The following NIBAN1 variants were observed in gnomAD, a reference collection of about 807,000 sequenced individuals.
NIBAN1 encodes the protein niban apoptosis regulator 1.
NIBAN1 carries 81 observed loss-of-function variants against 75.1 expected under a neutral mutation model. The ratio of observed to expected loss-of-function variants is 1.08; its 90% CI spans 0.90 to 1.30. The LOEUF (loss-of-function observed/expected upper bound fraction) is 1.30. NIBAN1 is among the 50% of genes most tolerant of loss of function. The pLI, the probability that NIBAN1 is intolerant of heterozygous loss-of-function variation, is 0.00. For synonymous variants in NIBAN1, 436 were observed against 424.8 expected, an observed-to-expected ratio of 1.03 and a Z score of -0.32; for missense variants, 1,133 against 1,128.1, an observed-to-expected ratio of 1.00 and a Z score of -0.06.
chr1:184,829,540 C>G (rs938791948), intron 6 of NIBAN1, among the ~76,000 whole-genome samples: 8 of 141,006 alleles, frequency 5.7e-5, no homozygotes, highest in African/African-American at 2.1e-4. Flanking sequence ...GATCTTGGCT[C>G]ACTGCAACCT....
intron 11 of NIBAN1, among the ~76,000 whole-genome samples, chr1:184,805,070 G>A (rs1181864819): frequency 6.6e-6 from 1 of 152,210 alleles, no homozygotes; most frequent in Non-Finnish European, 1.5e-5. Context: ...TTACAGGCGT[G>A]AGCCACTGTG....
intron 1 of NIBAN1, among the ~76,000 whole-genome samples, chr1:184,929,781 G>A (rs1341580171): frequency 6.6e-6 from 1 of 152,140 alleles, no homozygotes; most frequent in Non-Finnish European, 1.5e-5. Flanking sequence ...GGTCAAAAGG[G>A]TTGTTAAAAT....
chr1:184,864,114 C>T (rs1029668451), intron 5 of NIBAN1, among the ~76,000 whole-genome samples: 2 of 152,140 alleles, frequency 1.3e-5, no homozygotes, highest in African/African-American at 4.8e-5. Flanking sequence ...GTTAAACATT[C>T]AGGATTGAAT....
chr1:184,899,301 C>T lies in NIBAN1; in HGVS notation c.64G>A (p.Glu22Lys), dbSNP rs1557905978. ...GKCAYIRGKT[E>K]AAIKNFSPYY... ...GGACTGAAGTTTTTGATGGCAGCCT[C>T]AGTTTTCCCTAGAAAAATATGAAAA... The change falls in exon 2 of 14, where the codon GAG becomes AAG. Residue 22 changes from glutamate to lysine, a missense_variant. By Grantham distance (56) the Glu-to-Lys change is moderately conservative (BLOSUM62 1). Transcript: ENST00000367511. The T allele has an allele frequency of 6.2e-7, 1 of 1,613,730 alleles. No individual in the cohort carries two copies. Among genetic ancestry groups the T allele is most frequent in the Non-Finnish European group, 8.5e-7 (1 of 1,179,766 alleles).
intron 5 of NIBAN1, among the ~76,000 whole-genome samples, chr1:184,866,072 G>T (rs1012464630): frequency 3.3e-5 from 5 of 152,048 alleles, no homozygotes; most frequent in Admixed American, 6.6e-5. Flanking sequence ...AAATGAGTAT[G>T]TGCTTACTAC....
chr1:184,805,252 T>C (rs1654163526), intron 11 of NIBAN1, among the ~76,000 whole-genome samples: 1 of 152,206 alleles, frequency 6.6e-6, no homozygotes, highest in Non-Finnish European at 1.5e-5. Flanking sequence ...TAAAAAAAAT[T>C]AGTGGACTAG....
chr1:184,817,886 A>C (rs1654582727), intron 9 of NIBAN1, among the ~76,000 whole-genome samples: 1 of 152,254 alleles, frequency 6.6e-6, no homozygotes, highest in South Asian at 2.1e-4. Flanking sequence ...CCATACTTCA[A>C]CCACTCATAG....
chr1:184,950,592 T>C (rs1208531943), intron 1 of NIBAN1, among the ~76,000 whole-genome samples: 1 of 152,200 alleles, frequency 6.6e-6, no homozygotes, highest in African/African-American at 2.4e-5. Context: ...GAGAACATCA[T>C]GATTATACTT....
At chr1:184,968,367 C>T (rs547156052) in intron 1 of NIBAN1, among the ~76,000 whole-genome samples, 1 of 152,294 alleles carries the variant, frequency 6.6e-6, no homozygotes, top group Non-Finnish European at 1.5e-5. Flanking sequence ...CTAGCAACTC[C>T]TAATTTGCAG....
intron 9 of NIBAN1, among the ~76,000 whole-genome samples, chr1:184,810,441 T>C (rs1385473001): frequency 6.6e-6 from 1 of 152,214 alleles, no homozygotes; most frequent in Non-Finnish European, 1.5e-5. Context: ...TTCAGAAATA[T>C]TGATCTGTTA....
intron 1 of NIBAN1, among the ~76,000 whole-genome samples, chr1:184,920,871 C>A (rs1158983342): frequency 2.0e-5 from 3 of 152,118 alleles, no homozygotes; most frequent in Non-Finnish European, 4.4e-5. Flanking sequence ...CGGTGGCTCA[C>A]GCCTGTAATC....
intron 12 of NIBAN1, among the ~76,000 whole-genome samples, chr1:184,800,281 G>C (rs569679859): frequency 7.3e-5 from 11 of 149,672 alleles, no homozygotes; most frequent in South Asian, 4.2e-4. Context: ...TGTCAGATGA[G>C]TAGGTTGTGA....
intron 3 of NIBAN1, among the ~76,000 whole-genome samples, chr1:184,892,154 T>C (rs1286391337): frequency 6.6e-6 from 1 of 152,190 alleles, no homozygotes; most frequent in East Asian, 1.9e-4. Context: ...TTCTTCCCAA[T>C]GGGTTAGTAG....
chr1:184,824,555 A>G (rs1376831984), intron 6 of NIBAN1, among the ~76,000 whole-genome samples: 1 of 152,214 alleles, frequency 6.6e-6, no homozygotes, highest in African/African-American at 2.4e-5. Context: ...ACTGGCAAAG[A>G]GGGAAATAAT....
At chr1:184,869,165 C>A (rs1189274189) in intron 5 of NIBAN1, among the ~76,000 whole-genome samples, 1 of 152,092 alleles carries the variant, frequency 6.6e-6, no homozygotes, top group Middle Eastern at 3.2e-3. Flanking sequence ...ATTTTATGGT[C>A]ATGTCTAAGG....
At chr1:184,806,089 C>T (rs1195579955) in intron 10 of NIBAN1, 33 bp from the exon 11 acceptor site, 18 of 1,574,874 alleles carry the variant, frequency 1.1e-5, no homozygotes, top group East Asian at 4.5e-5. Flanking sequence ...AAACAGACAA[C>T]AGTCAGGGGC....
At chr1:184,904,498 G>T (rs1657039064) in intron 1 of NIBAN1, among the ~76,000 whole-genome samples, 1 of 152,070 alleles carries the variant, frequency 6.6e-6, no homozygotes. Flanking sequence ...CTCTATACAG[G>T]CTCAAAAACT....
Position 184,795,938 on chromosome 1 carries a change from A to G in NIBAN1, c.1826T>C (p.Leu609Pro), listed in dbSNP as rs28927681. The change falls in exon 14 of 14, where the codon CTG becomes CCG. Residue 609 changes from leucine (L) to proline (P), a missense_variant. Physicochemically the swap from Leu to Pro is moderately conservative, Grantham distance 98. Coordinates refer to ENST00000367511, the MANE Select transcript of NIBAN1 (RefSeq NM_052966.4). ...RRASAILPGVLGSETLSNEVF... is the reference protein window; with the variant it reads ...RRASAILPGVPGSETLSNEVF... ...TTCGTTACTGAGGGTCTCACTACCCAGAACTCCTGGCAGAATGGCAGAAGC... is the reference window on the plus strand; with the variant it reads ...TTCGTTACTGAGGGTCTCACTACCCGGAACTCCTGGCAGAATGGCAGAAGC... 0.097 allele frequency: 155,803 copies of G among 1,614,022 alleles called. 14,084 individuals carry two copies. Among genetic ancestry groups the G allele is most frequent in the African/African-American group, 0.49 (36,587 of 74,956 alleles).
intron 3 of NIBAN1, 103 bp from the exon 4 acceptor site, chr1:184,890,325 G>A: frequency 7.7e-6 from 6 of 783,226 alleles, no homozygotes; most frequent in Middle Eastern, 2.3e-4. Context: ...TTCAGAGATA[G>A]CAATCCCCAT....
Sources: gnomAD v4.1 joint callset for allele counts (sites outside exome capture counted in the v4.1 genomes callset) on GRCh38, gnomAD v4.1.1 for gene constraint, MANE v1.5 for transcripts, NCBI Gene and HGNC (gene_info 2026-07-23, HGNC 2026-07-21) for gene names.